The following MAGI2 variants were observed in gnomAD, a reference collection of about 807,000 sequenced individuals.
MAGI2 encodes membrane associated guanylate kinase, WW and PDZ domain containing 2.
MAGI2 carries 35 observed loss-of-function variants against 133.3 expected under a neutral mutation model. The ratio of observed to expected loss-of-function variants is 0.26; its 90% CI spans 0.20 to 0.35. The LOEUF is 0.35. Among genes scored for constraint, MAGI2 ranks in the 10% least tolerant of loss-of-function variants. The pLI, the probability that MAGI2 is intolerant of heterozygous loss-of-function variation, is 1.00. For synonymous variants in MAGI2, 729 were observed against 710.6 expected (o/e 1.03, Z -0.41); for missense variants, 1,636 against 1,863.4 (o/e 0.88, Z 2.25).
At chr7:78,190,375 T>G (rs552646429) in intron 12 of MAGI2, among the ~76,000 whole-genome samples, 7 of 152,240 alleles carry the variant, frequency 4.6e-5, no homozygotes, top group Non-Finnish European at 1.0e-4. Flanking sequence ...TTACACTTTT[T>G]ATTCATAATG....
At chr7:79,322,018 G>T (rs1489654033) in intron 1 of MAGI2, among the ~76,000 whole-genome samples, 1 of 152,132 alleles carries the variant, frequency 6.6e-6, no homozygotes, top group African/African-American at 2.4e-5. Context: ...AAAGCCTGAA[G>T]AAGTCTGCAG....
At chr7:78,976,887 C>T (rs1804308588) in intron 2 of MAGI2, among the ~76,000 whole-genome samples, 2 of 151,142 alleles carry the variant, frequency 1.3e-5, no homozygotes, top group Admixed American at 1.3e-4. Flanking sequence ...ATAAGTATAA[C>T]AAAATATGTA....
At chr7:79,335,492 C>G (rs6965742) in intron 1 of MAGI2, among the ~76,000 whole-genome samples, 1 of 151,826 alleles carries the variant, frequency 6.6e-6, no homozygotes, top group East Asian at 1.9e-4. Flanking sequence ...AAGATATATG[C>G]AGTAATGTAA....
chr7:78,658,505 G>C (rs1280250086), intron 2 of MAGI2, among the ~76,000 whole-genome samples: 1 of 152,110 alleles, frequency 6.6e-6, no homozygotes, highest in African/African-American at 2.4e-5. Flanking sequence ...TTTGCTGTAT[G>C]AAAGACTCTG....
Position 78,537,446 on chromosome 7 carries a change from A to G in MAGI2, c.539-15801T>C, listed in dbSNP as rs1334731872. ...TACTGTTTTCCATAGAGGTTTTACTAGTTTACATTCCCACCAGCAGTGTAA... is the reference window on the plus strand; with the variant it reads ...TACTGTTTTCCATAGAGGTTTTACTGGTTTACATTCCCACCAGCAGTGTAA... On this transcript the variant is annotated intron_variant, in intron 3 of 21. Transcript: ENST00000354212. Among the ~76,000 whole-genome samples the G allele has an allele frequency of 2.6e-5, 4 of 152,282 alleles. No homozygotes were observed. In the East Asian group the frequency reaches 7.7e-4, roughly 29 times the overall value.
intron 3 of MAGI2, among the ~76,000 whole-genome samples, chr7:78,586,284 G>A (rs1428525681): frequency 6.6e-6 from 1 of 152,162 alleles, no homozygotes; most frequent in African/African-American, 2.4e-5. Context: ...AGGAACTTTG[G>A]CTAGCTTAGC....
intron 9 of MAGI2, among the ~76,000 whole-genome samples, chr7:78,337,173 A>G (rs1371286276): frequency 6.6e-6 from 1 of 152,226 alleles, no homozygotes; most frequent in Non-Finnish European, 1.5e-5. Flanking sequence ...AAAGAATGTA[A>G]TCAGGGTCTC....
At chr7:78,571,610 T>A (rs889845903) in intron 3 of MAGI2, among the ~76,000 whole-genome samples, 1 of 152,120 alleles carries the variant, frequency 6.6e-6, no homozygotes, top group East Asian at 1.9e-4. Flanking sequence ...GACAACTCAG[T>A]GAGACAACTG....
At chr7:78,983,240 G>A (rs759598854) in intron 2 of MAGI2, among the ~76,000 whole-genome samples, 1 of 151,920 alleles carries the variant, frequency 6.6e-6, no homozygotes, top group Non-Finnish European at 1.5e-5. Context: ...TAGGGAATAA[G>A]TTCAGTACAA....
At chr7:79,063,367 A>G (rs1813964291) in intron 1 of MAGI2, among the ~76,000 whole-genome samples, 1 of 152,132 alleles carries the variant, frequency 6.6e-6, no homozygotes, top group Non-Finnish European at 1.5e-5. Context: ...AGCTTCTTCT[A>G]TTTAAACAAA....
intron 16 of MAGI2, among the ~76,000 whole-genome samples, chr7:78,139,794 A>G (rs1822556037): frequency 6.6e-6 from 1 of 152,208 alleles, no homozygotes; most frequent in Admixed American, 6.5e-5. Flanking sequence ...TTTAATTGAA[A>G]ATCTCATAAA....
At chr7:78,859,400 G>C (rs485535) in intron 2 of MAGI2, among the ~76,000 whole-genome samples, 142,527 of 150,708 alleles carry the variant, frequency 0.95, 67,809 homozygotes, top group Non-Finnish European at 1. Flanking sequence ...TCCATGTTTA[G>C]TTCTTCCTTC....
chr7:78,612,831 G>A (rs1041597960), intron 3 of MAGI2, among the ~76,000 whole-genome samples: 19 of 151,842 alleles, frequency 1.3e-4, no homozygotes, highest in East Asian at 3.9e-4. Context: ...CACCACGCCC[G>A]GCTAATTTTT....
chr7:78,619,283 TGAACA>T (rs1228862511), intron 3 of MAGI2, among the ~76,000 whole-genome samples: 1 of 151,904 alleles, frequency 6.6e-6, no homozygotes, highest in Admixed American at 6.6e-5. Context: ...AATTAAACTG[TGAACA>T]TCACAGTTTC....
rs140955850 is a variant in MAGI2, at chr7:78,980,489, T to C, written c.418+26601A>G. 1.5e-3 allele frequency among the ~76,000 whole-genome samples: 222 copies of C among 151,882 alleles called. 3 individuals are homozygous for C. The East Asian group carries it at 0.038, about 26-fold the overall frequency. On this transcript the variant is annotated intron_variant, in intron 2 of 21. Coordinates refer to ENST00000354212, the MANE Select transcript of MAGI2 (RefSeq NM_012301.4). ...AGTGTCAGGAGAGCTGCCTGTTATG[T>C]AGAGTCAAATGAAGTGAGAAGGGAG...
intron 3 of MAGI2, among the ~76,000 whole-genome samples, chr7:78,612,030 A>G (rs61613703): frequency 0.01 from 1,575 of 152,308 alleles, 23 homozygotes; most frequent in African/African-American, 0.036. Context: ...TGAGGCAAAC[A>G]TGATCTACCT....
intron 3 of MAGI2, chr7:78,618,069 A>G (rs1489545581): frequency 1.3e-5 from 2 of 152,084 alleles, no homozygotes; most frequent in African/African-American, 2.4e-5. Flanking sequence ...ATTAATGCAT[A>G]GAACAAATCT....
At chr7:78,873,820 A>C (rs767811232) in intron 2 of MAGI2, among the ~76,000 whole-genome samples, 1 of 152,118 alleles carries the variant, frequency 6.6e-6, no homozygotes, top group Non-Finnish European at 1.5e-5. Context: ...GGGTGTGCAA[A>C]AAAGTGCTGA....
chr7:78,852,004 T>G (rs1370484841), intron 2 of MAGI2, among the ~76,000 whole-genome samples: 1 of 152,166 alleles, frequency 6.6e-6, no homozygotes, highest in Non-Finnish European at 1.5e-5. Context: ...ACACTCTCAC[T>G]AGTAGTATAT....
Sources: gnomAD v4.1 joint callset for allele counts (sites outside exome capture counted in the v4.1 genomes callset) on GRCh38, gnomAD v4.1.1 for gene constraint, MANE v1.5 for transcripts, NCBI Gene and HGNC (gene_info 2026-07-23, HGNC 2026-07-21) for gene names.